CPE: variants seen among roughly 807,000 people sequenced by gnomAD.
CPE encodes the protein carboxypeptidase E, also known as carbocypeptidase E.
In CPE, 17 loss-of-function variants were observed where a neutral mutation model predicts 53.5. The observed-to-expected ratio is 0.32, with a 90% CI of 0.22 to 0.48. The LOEUF (loss-of-function observed/expected upper bound fraction) is 0.48, where lower values mean the gene tolerates loss of function less well. CPE is among the 20% of genes least tolerant of loss of function. CPE has a pLI of 0.99. For missense variants in CPE, 524 were observed against 614.7 expected, an observed-to-expected ratio of 0.85 and a Z score of 1.56; for synonymous variants, 226 against 228.8, an observed-to-expected ratio of 0.99 and a Z score of 0.11.
At chr4:165,407,024 T>A (rs1730964721) in intron 1 of CPE, among the ~76,000 whole-genome samples, 1 of 152,248 alleles carries the variant, frequency 6.6e-6, no homozygotes, top group Non-Finnish European at 1.5e-5. Flanking sequence ...TTTTTGTCTA[T>A]CATGAACAAG....
chr4:165,417,772 G>T (rs1731148783), intron 1 of CPE, among the ~76,000 whole-genome samples: 2 of 133,532 alleles, frequency 1.5e-5, no homozygotes, highest in African/African-American at 2.8e-5. Flanking sequence ...TATTTTGTCT[G>T]TCTTAAAAAA....
At chr4:165,448,189 G>A (rs1447047278) in intron 1 of CPE, among the ~76,000 whole-genome samples, 1 of 152,104 alleles carries the variant, frequency 6.6e-6, no homozygotes, top group Non-Finnish European at 1.5e-5. Context: ...GGTAGAGAGA[G>A]GAAAGGAGAT....
chr4:165,396,636 ACTCCAGC>A (rs1188930468), intron 1 of CPE, among the ~76,000 whole-genome samples: 1 of 150,326 alleles, frequency 6.7e-6, no homozygotes, highest in Non-Finnish European at 1.5e-5. Context: ...GTGCCACTGC[ACTCCAGC>A]CTGGGCAACA....
chr4:165,387,066 C>G (rs1730605734), intron 1 of CPE, among the ~76,000 whole-genome samples: 2 of 152,174 alleles, frequency 1.3e-5, no homozygotes, highest in Admixed American at 1.3e-4. Context: ...GTGAACGTTT[C>G]TCTTTCTTTG....
At position 165,387,040 on chromosome 4, in the gene CPE, G is replaced by T. The variant is rs542797619; in HGVS notation, c.307+7512G>T. 1.2e-4 allele frequency among the ~76,000 whole-genome samples: 19 copies of T among 152,252 alleles called. No homozygotes were observed. In the South Asian group the frequency reaches 3.7e-3, roughly 30 times the overall value. On this transcript the variant is annotated intron_variant, in intron 1 of 8. Coordinates refer to ENST00000402744, the MANE Select transcript of CPE (RefSeq NM_001873.4). ...CTTCTCATTAATTACTGGAATTGCC[G>T]TGAGTCCGTTGCTCTGTGAACGTTT...
rs1732526504 is a variant in CPE, at chr4:165,487,460, T to C, written c.996T>C (p.Leu332=). 1 of 1,613,956 alleles carries C rather than the reference T, an allele frequency of 6.2e-7. No homozygotes were observed. The highest frequency in any genetic ancestry group is 8.5e-7 in the Non-Finnish European group (1 of 1,180,002). ...CAGGGATGCAAGACTTCAATTACCT[T>C]AGCAGCAACTGTTTTGAGATCACCG... ...VPGGMQDFNY[L]SSNCFEITVE... Residue 332 remains leucine, a synonymous_variant, in exon 6 of 9, where the codon CTT becomes CTC. Transcript: ENST00000402744.
At chr4:165,491,005 C>T (rs1732593457) in intron 6 of CPE, among the ~76,000 whole-genome samples, 2 of 152,152 alleles carry the variant, frequency 1.3e-5, no homozygotes, top group South Asian at 4.1e-4. Flanking sequence ...CTGAATTTTC[C>T]AGTCTGAATT....
At position 165,452,955 on chromosome 4, in the gene CPE, G is replaced by A. The variant is rs75956676; in HGVS notation, c.308-11435G>A. Among the ~76,000 whole-genome samples, 787 of 152,248 alleles carry A rather than the reference G, an allele frequency of 5.2e-3. 26 individuals carry two copies. In the East Asian group the frequency reaches 0.08, roughly 15 times the overall value. ...TCCACAAATGATTCTGACCCAGAGC[G>A]CTATAAGTCAGCACAATTTTCTTTC... On this transcript the variant is annotated intron_variant, in intron 1 of 8. Coordinates refer to ENST00000402744, the MANE Select transcript of CPE (RefSeq NM_001873.4).
intron 7 of CPE, 132 bp downstream of exon 7, chr4:165,493,402 A>G: frequency 1.6e-6 from 1 of 642,590 alleles, no homozygotes; most frequent in Non-Finnish European, 2.6e-6. Flanking sequence ...CTCAGCTTTG[A>G]TCTGGTGAAG....
chr4:165,486,690 CA>C (rs902311876), intron 5 of CPE, among the ~76,000 whole-genome samples: 1 of 152,186 alleles, frequency 6.6e-6, no homozygotes, highest in Non-Finnish European at 1.5e-5. Context: ...CCACCAGACA[CA>C]AATGCGTATC....
intron 3 of CPE, among the ~76,000 whole-genome samples, chr4:165,471,623 T>C (rs903488844): frequency 6.6e-6 from 1 of 152,234 alleles, no homozygotes; most frequent in Non-Finnish European, 1.5e-5. Flanking sequence ...ACGTTTTAAA[T>C]GCCTTGAGCC....
chr4:165,461,178 A>AGAAAG (rs1474112534), intron 1 of CPE, among the ~76,000 whole-genome samples: 1 of 97,250 alleles, frequency 1.0e-5, no homozygotes, highest in Non-Finnish European at 2.1e-5. Context: ...AAAAAAAAAA[A>AGAAAG]AAAAAAAAAG....
chr4:165,491,922 T>A (rs1732613597), intron 6 of CPE, among the ~76,000 whole-genome samples: 1 of 152,184 alleles, frequency 6.6e-6, no homozygotes, highest in African/African-American at 2.4e-5. Context: ...ATAGCCCGAT[T>A]GAGTGAGGCA....
At chr4:165,427,261 T>G (rs1452167106) in intron 1 of CPE, among the ~76,000 whole-genome samples, 2 of 152,212 alleles carry the variant, frequency 1.3e-5, no homozygotes, top group Non-Finnish European at 2.9e-5. Flanking sequence ...AGAATTCAAC[T>G]GAGAACCCAT....
At chr4:165,496,231 G>A (rs983608955) in intron 8 of CPE, among the ~76,000 whole-genome samples, 4 of 152,162 alleles carry the variant, frequency 2.6e-5, no homozygotes, top group Non-Finnish European at 4.4e-5. Flanking sequence ...GCCTGGGACC[G>A]TGGGAATACC....
chr4:165,479,344 A>G (rs1252794773), intron 3 of CPE, among the ~76,000 whole-genome samples: 1 of 152,220 alleles, frequency 6.6e-6, no homozygotes, highest in Non-Finnish European at 1.5e-5. Flanking sequence ...CATGGAATTG[A>G]GACAAATCCA....
intron 7 of CPE, 72 bp downstream of exon 7, chr4:165,493,342 G>A (rs1281042164): frequency 1.1e-5 from 12 of 1,093,816 alleles, no homozygotes; most frequent in Non-Finnish European, 1.6e-5. Flanking sequence ...ATAATTATAA[G>A]TCTTATGTTC....
intron 1 of CPE, among the ~76,000 whole-genome samples, chr4:165,417,049 A>G (rs1039595478): frequency 2.0e-5 from 3 of 152,158 alleles, no homozygotes; most frequent in Non-Finnish European, 4.4e-5. Flanking sequence ...GTTTATTTAC[A>G]AAAGATGCAA....
At chr4:165,448,530 G>A (rs920659202) in intron 1 of CPE, among the ~76,000 whole-genome samples, 1 of 152,086 alleles carries the variant, frequency 6.6e-6, no homozygotes, top group African/African-American at 2.4e-5. Context: ...CGGGGAGCAG[G>A]AAATGCCCCA....
Sources: gnomAD v4.1 joint callset for allele counts (sites outside exome capture counted in the v4.1 genomes callset) on GRCh38, gnomAD v4.1.1 for gene constraint, MANE v1.5 for transcripts, NCBI Gene and HGNC (gene_info 2026-07-23, HGNC 2026-07-21) for gene names.